Variants in GANAB observed in about 807,000 individuals in gnomAD.
GANAB encodes the protein glucosidase II alpha subunit.
GANAB carries 35 observed loss-of-function variants against 129.9 expected under a neutral mutation model. That is an observed-to-expected ratio of 0.27 (90% CI 0.21 to 0.36). The LOEUF is 0.36. GANAB is among the 10% of genes least tolerant of loss of function. The pLI, the probability that GANAB is intolerant of heterozygous loss-of-function variation, is 1.00. For missense variants in GANAB, 939 were observed against 1,221.0 expected, an observed-to-expected ratio of 0.77 and a Z score of 3.44; for synonymous variants, 482 against 451.8, an observed-to-expected ratio of 1.07 and a Z score of -0.85.
intron 4 of GANAB, among the ~76,000 whole-genome samples, chr11:62,636,494 G>A (rs1943945376): frequency 6.6e-6 from 1 of 151,752 alleles, no homozygotes; most frequent in African/African-American, 2.4e-5. Flanking sequence ...GTAAATAAAT[G>A]AAAGCAAAAG....
chr11:62,625,527 C>T lies in GANAB; in HGVS notation c.*288G>A. The T allele has an allele frequency of 4.2e-6, 2 of 470,972 alleles. No individual in the cohort carries two copies. The highest frequency in any genetic ancestry group is 4.1e-5 in the South Asian group (2 of 48,262). 29.2% of individuals were successfully genotyped at this position (470,972 alleles called of 1,614,324 possible). ...GGAAAGAGAAGGGGCGACAAGGGCCCTGTGGTTTCCTGGTGTTCGTAAGTG... is the reference window on the plus strand; with the variant it reads ...GGAAAGAGAAGGGGCGACAAGGGCCTTGTGGTTTCCTGGTGTTCGTAAGTG... On this transcript the variant is annotated 3_prime_UTR_variant, in exon 24 of 24. Coordinates refer to ENST00000356638, the MANE Select transcript of GANAB (RefSeq NM_198334.3).
chr11:62,633,424 C>G (rs375886948), intron 6 of GANAB, 21 bp downstream of exon 6: 1 of 1,612,512 alleles, frequency 6.2e-7, no homozygotes, highest in Non-Finnish European at 8.5e-7. Flanking sequence ...ATCCTCCAAC[C>G]ACCCACCCGC....
intron 5 of GANAB, chr11:62,634,571 C>A (rs1449043609): frequency 6.5e-6 from 4 of 616,712 alleles, no homozygotes; most frequent in African/African-American, 3.7e-5. Context: ...GAAGGAGACA[C>A]AGACCCAGGC....
chr11:62,641,628 T>A (rs1944268041), intron 1 of GANAB, among the ~76,000 whole-genome samples: 1 of 152,126 alleles, frequency 6.6e-6, no homozygotes, highest in Admixed American at 6.5e-5. Context: ...TCACCCTGGC[T>A]AGAGTGCCAT....
chr11:62,646,443 A>C (rs1168523859), intron 1 of GANAB, 119 bp downstream of exon 1: 2 of 1,182,282 alleles, frequency 1.7e-6, no homozygotes, highest in African/African-American at 1.5e-5. Context: ...CCAGAGGAAC[A>C]AAGGTTCCTC....
Position 62,634,502 on chromosome 11 carries a change from A to T in GANAB, c.560+319T>A, listed in dbSNP as rs1195140150. On this transcript the variant is annotated intron_variant, in intron 5 of 23. Coordinates refer to ENST00000356638, the MANE Select transcript of GANAB (RefSeq NM_198334.3). ...TGGGGGGAAAAAGAAACCAAAAAAA[A>T]TAAATAAATAAAAACGAAGAAAATA... The T allele has an allele frequency of 4.7e-5, 32 of 681,720 alleles. No homozygotes were observed. The East Asian group carries it at 8.2e-4, about 18-fold the overall frequency. 42.2% of individuals were successfully genotyped at this position (681,720 alleles called of 1,614,324 possible).
intron 1 of GANAB, among the ~76,000 whole-genome samples, chr11:62,644,345 A>C (rs1214827705): frequency 1.3e-5 from 2 of 152,022 alleles, no homozygotes; most frequent in Non-Finnish European, 2.9e-5. Context: ...GGGTTCTTCT[A>C]AGCAATAAAG....
chr11:62,627,154 G>A (rs1943428532), intron 18 of GANAB, 30 bp from the exon 19 acceptor site: 1 of 1,579,858 alleles, frequency 6.3e-7, no homozygotes, highest in Admixed American at 1.7e-5. Context: ...ACTCTGAATA[G>A]GGGGATTAGT....
Position 62,629,593 on chromosome 11 carries a change from C to G in GANAB, c.1829G>C (p.Arg610Pro). 1 of 1,601,656 alleles carries G rather than the reference C, an allele frequency of 6.2e-7. No homozygotes were observed. Among genetic ancestry groups the G allele is most frequent in the Non-Finnish European group, 8.5e-7 (1 of 1,173,068 alleles). The change falls in exon 15 of 24, where the codon CGC becomes CCC. Residue 610 changes from arginine (R) to proline (P), a missense_variant. By Grantham distance (103) the Arg-to-Pro change is moderately radical (BLOSUM62 -2). Around this residue, in one of 5 missense-constraint regions of GANAB, gnomAD observed 147 missense variants for 282.4 expected, o/e 0.52. Transcript: ENST00000356638. ...LARAFFAGSQ[R>P]FGAVWTGDNT... The stretch of plus-strand genomic sequence containing the variant: ...CTCCATTCTCTAAACCTTACCAAAG[C>G]GCTGGGAGCCAGCGAAGAAGGCCCT...
intron 1 of GANAB, among the ~76,000 whole-genome samples, chr11:62,640,389 C>A (rs1464923181): frequency 1.4e-5 from 2 of 141,824 alleles, no homozygotes; most frequent in Non-Finnish European, 3.1e-5. Flanking sequence ...AAAAATTAGC[C>A]GGGCGTGGTG....
At chr11:62,638,665 G>A (rs1944073192) in intron 4 of GANAB, among the ~76,000 whole-genome samples, 2 of 151,454 alleles carry the variant, frequency 1.3e-5, no homozygotes, top group Non-Finnish European at 2.9e-5. Context: ...CAAGCAAGCA[G>A]GTAGACATTG....
rs137897818 is a variant in GANAB at position 62,627,193 on chromosome 11, G to C, written c.2246-69C>G. 6.9e-6 allele frequency: 10 copies of C among 1,455,100 alleles called. No homozygotes were observed. In the African/African-American group the frequency reaches 1.1e-4, roughly 16 times the overall value. 90.1% of individuals were successfully genotyped at this position (1,455,100 alleles called of 1,614,324 possible). ...CAGAACAGGGAACACCAAAGTGCCT[G>C]CCCTCTGCACCACCAGCTTCACTAG... On this transcript the variant is annotated intron_variant, in intron 18 of 23. Coordinates refer to ENST00000356638, the MANE Select transcript of GANAB (RefSeq NM_198334.3).
chr11:62,628,497 G>T (rs1943509698), intron 17 of GANAB, among the ~76,000 whole-genome samples: 1 of 152,090 alleles, frequency 6.6e-6, no homozygotes, highest in Non-Finnish European at 1.5e-5. Flanking sequence ...ACAGGTGTGA[G>T]CCACTGTGCC....
chr11:62,628,751 C>A lies in GANAB; in HGVS notation c.2180+18G>T. On this transcript the variant is annotated intron_variant, in intron 17 of 23. Coordinates refer to ENST00000356638, the MANE Select transcript of GANAB (RefSeq NM_198334.3). ...AGCCACCTCAGCCCACTCTTCACAG[C>A]CCAAGTGAATGCCTCACCTCATGAC... The A allele has an allele frequency of 6.2e-7, 1 of 1,611,250 alleles. No homozygotes were observed. Among genetic ancestry groups the A allele is most frequent in the Non-Finnish European group, 8.5e-7 (1 of 1,177,664 alleles).
Position 62,629,042 on chromosome 11 carries a change from G to A in GANAB, c.1937-30C>T, listed in dbSNP as rs775913881. 3 of 1,608,428 alleles carry A rather than the reference G, an allele frequency of 1.9e-6. No homozygotes were observed. The South Asian group carries it at 3.3e-5, about 18-fold the overall frequency. ...TAGAGGAGAGAGAGGAAGCAGGTTG[G>A]AAAAGAGGGTGAAGGAGAGATACTG... On this transcript the variant is annotated intron_variant, in intron 16 of 23. Transcript: ENST00000356638.
chr11:62,628,695 C>A, intron 17 of GANAB, 74 bp downstream of exon 17: 1 of 1,489,504 alleles, frequency 6.7e-7, no homozygotes, highest in Non-Finnish European at 9.3e-7. Context: ...AGAAAGAGAC[C>A]CAGAGATGAA....
At position 62,628,783 on chromosome 11, in the gene GANAB, G is replaced by GGC; in HGVS notation, c.2165_2166insGC (p.Ile723ProfsTer5). On this transcript the variant is annotated frameshift_variant, in exon 17 of 24. Transcript: ENST00000356638. LOFTEE classifies it high-confidence loss of function. The stretch of plus-strand genomic sequence containing the variant: ...GAATGCCTCACCTCATGACAGGAAT[G>GGC]CCTTCCCGATGGGCCTGATATAAGA... 1 of 1,613,862 alleles carries GGC rather than the reference G, an allele frequency of 6.2e-7. No homozygotes were observed. The highest frequency in any genetic ancestry group is 8.5e-7 in the Non-Finnish European group (1 of 1,179,828).
intron 4 of GANAB, among the ~76,000 whole-genome samples, chr11:62,635,254 G>A (rs1028213637): frequency 2.6e-5 from 4 of 151,278 alleles, no homozygotes; most frequent in African/African-American, 4.9e-5. Context: ...GCGCAATCTC[G>A]GCTCACCGCA....
At chr11:62,628,251 C>CT (rs1943495125) in intron 17 of GANAB, among the ~76,000 whole-genome samples, 1 of 79,046 alleles carries the variant, frequency 1.3e-5, no homozygotes. Context: ...GAGTCTCCCT[C>CT]TGTCACCCAG....
Sources: allele counts gnomAD v4.1 joint callset (sites outside exome capture counted in the v4.1 genomes callset), GRCh38; gene constraint gnomAD v4.1.1; regional missense constraint gnomAD v4.1.1; transcripts MANE v1.5; gene names NCBI Gene and HGNC (gene_info 2026-07-23, HGNC 2026-07-21).